The following STK3 variants were observed in gnomAD, a reference collection of about 807,000 sequenced individuals.
STK3 encodes serine/threonine kinase 3.
STK3 carries 41 observed loss-of-function variants against 58.0 expected under a neutral mutation model. That is an observed-to-expected ratio of 0.71 (90% CI 0.55 to 0.92). The LOEUF is 0.92. Ranked by LOEUF, STK3 falls within the 40% of genes least tolerant of loss-of-function variation. The probability of loss-of-function intolerance (pLI) is 0.00; values close to 1 mark genes in which losing one functional copy is unlikely to be tolerated. For missense variants in STK3, 479 were observed against 602.7 expected (o/e 0.79, Z 2.15); for synonymous variants, 170 against 191.0 (o/e 0.89, Z 0.91).
chr8:98,468,013 C>G (rs1271724850), intron 10 of STK3, among the ~76,000 whole-genome samples: 1 of 152,150 alleles, frequency 6.6e-6, no homozygotes, highest in Non-Finnish European at 1.5e-5. Context: ...CTAAAACCCA[C>G]AAATCATGCA....
At chr8:98,608,000 T>C (rs1191197666) in intron 6 of STK3, among the ~76,000 whole-genome samples, 5 of 152,230 alleles carry the variant, frequency 3.3e-5, no homozygotes, top group East Asian at 1.9e-4. Flanking sequence ...GATAGAGAAA[T>C]AGATTTTAAT....
chr8:98,684,698 C>T (rs140292187), intron 6 of STK3, among the ~76,000 whole-genome samples: 3 of 152,282 alleles, frequency 2.0e-5, no homozygotes, highest in Non-Finnish European at 4.4e-5. Context: ...AAGTCTCAAA[C>T]ATCAGGTCAC....
At chr8:98,904,539 G>C in intron 1 of STK3, 1 of 485,626 alleles carries the variant, frequency 2.1e-6, no homozygotes, top group South Asian at 1.7e-5. Flanking sequence ...CACGGAGCAA[G>C]TTCTCATATA....
chr8:98,620,071 G>T (rs1337927291), intron 6 of STK3, among the ~76,000 whole-genome samples: 1 of 80,688 alleles, frequency 1.2e-5, no homozygotes, highest in African/African-American at 5.0e-5. Context: ...CAACCCAAAT[G>T]TCCAACAATG....
intron 6 of STK3, among the ~76,000 whole-genome samples, chr8:98,619,424 A>T (rs1199918151): frequency 1.3e-5 from 2 of 150,024 alleles, no homozygotes; most frequent in African/African-American, 5.0e-5. Flanking sequence ...TCATGTCCAA[A>T]ACACCAAAAG....
chr8:98,759,175 CG>C, intron 3 of STK3, among the ~76,000 whole-genome samples: 1 of 152,340 alleles, frequency 6.6e-6, no homozygotes, highest in South Asian at 2.1e-4. Context: ...CAGCTTATTT[CG>C]GCTTTCAACC....
intron 4 of STK3, among the ~76,000 whole-genome samples, chr8:98,729,568 A>G (rs1828027320): frequency 6.6e-6 from 1 of 152,246 alleles, no homozygotes; most frequent in Non-Finnish European, 1.5e-5. Context: ...AGTTCTCTGC[A>G]TTCTTCTACC....
intron 3 of STK3, among the ~76,000 whole-genome samples, chr8:98,757,532 T>G (rs1587532774): frequency 6.9e-6 from 1 of 145,698 alleles, no homozygotes; most frequent in Non-Finnish European, 1.5e-5. Context: ...GAGGCAGAGG[T>G]TGCAGTGAGC....
chr8:98,729,087 TTTATTTGG>T (rs1342655473), intron 4 of STK3, among the ~76,000 whole-genome samples: 1 of 152,178 alleles, frequency 6.6e-6, no homozygotes, highest in Non-Finnish European at 1.5e-5. Context: ...GACTCTTTTA[TTTATTTGG>T]TTATTTGGTT....
At chr8:98,902,478 A>T (rs1838694017) in intron 1 of STK3, among the ~76,000 whole-genome samples, 1 of 152,238 alleles carries the variant, frequency 6.6e-6, no homozygotes, top group Non-Finnish European at 1.5e-5. Context: ...CTATCTGCTC[A>T]GTAGTTCAAG....
intron 7 of STK3, among the ~76,000 whole-genome samples, chr8:98,581,954 C>T (rs1813935886): frequency 1.3e-5 from 2 of 152,254 alleles, no homozygotes; most frequent in South Asian, 2.1e-4. Context: ...CCTTCTTCAA[C>T]TCACTTTAAG....
At chr8:98,740,501 A>T (rs373780413) in intron 4 of STK3, among the ~76,000 whole-genome samples, 1 of 152,212 alleles carries the variant, frequency 6.6e-6, no homozygotes, top group African/African-American at 2.4e-5. Flanking sequence ...ACTAAGCTTC[A>T]TAAGTGAAGG....
chr8:98,520,886 T>A (rs929574699), intron 10 of STK3, among the ~76,000 whole-genome samples: 1 of 152,114 alleles, frequency 6.6e-6, no homozygotes, highest in African/African-American at 2.4e-5. Context: ...AGCAAAGCAG[T>A]CCACCAAATC....
chr8:98,418,058 T>C (rs1342424444), intron 3 of STK3, among the ~76,000 whole-genome samples: 4 of 152,162 alleles, frequency 2.6e-5, no homozygotes, highest in Admixed American at 1.3e-4. Context: ...TAAAGGTGTG[T>C]ACCACCATCC....
chr8:98,826,891 G>A (rs1390706683), upstream of STK3, among the ~76,000 whole-genome samples: 2 of 138,090 alleles, frequency 1.4e-5, no homozygotes, highest in South Asian at 2.3e-4. Flanking sequence ...CGGGCCTGGT[G>A]ATGCGCCTGT....
At chr8:98,840,066 G>T (rs1299538260) in intron 3 of STK3, among the ~76,000 whole-genome samples, 1 of 151,998 alleles carries the variant, frequency 6.6e-6, no homozygotes, top group Non-Finnish European at 1.5e-5. Flanking sequence ...AAAAATATAG[G>T]CTGGGTGCCG....
intron 6 of STK3, among the ~76,000 whole-genome samples, chr8:98,618,468 A>C (rs182503890): frequency 6.6e-6 from 1 of 152,070 alleles, no homozygotes; most frequent in Non-Finnish European, 1.5e-5. Flanking sequence ...GGCCAGGGCA[A>C]TCAGGCAGGA....
chr8:98,787,872 C>A (rs1313560692), intron 1 of STK3, among the ~76,000 whole-genome samples: 2 of 152,096 alleles, frequency 1.3e-5, no homozygotes, highest in Admixed American at 6.5e-5. Context: ...CTTTTTCAGA[C>A]AAACAAATGC....
At chr8:98,850,603 G>A (rs1332083703) in intron 3 of STK3, among the ~76,000 whole-genome samples, 1 of 152,166 alleles carries the variant, frequency 6.6e-6, no homozygotes, top group East Asian at 1.9e-4. Flanking sequence ...GGCCAAAGAA[G>A]GAAGGGAATT....
Sources: gnomAD v4.1 joint callset for allele counts (sites outside exome capture counted in the v4.1 genomes callset) on GRCh38, gnomAD v4.1.1 for gene constraint, MANE v1.5 for transcripts, NCBI Gene and HGNC (gene_info 2026-07-23, HGNC 2026-07-21) for gene names.